KANSL1: variants seen among roughly 807,000 people sequenced by gnomAD.
KANSL1 encodes KAT8 regulatory NSL complex subunit 1.
KANSL1 carries 22 observed loss-of-function variants against 103.6 expected under a neutral mutation model. That is an observed-to-expected ratio of 0.21 (90% confidence interval 0.15 to 0.30). KANSL1 has a LOEUF of 0.30. Ranked by LOEUF, KANSL1 falls within the 10% of genes least tolerant of loss-of-function variation. The probability of loss-of-function intolerance (pLI) is 1.00; values close to 1 mark genes in which losing one functional copy is unlikely to be tolerated. For missense variants in KANSL1, 1,337 were observed against 1,399.8 expected, an observed-to-expected ratio of 0.96 and a Z score of 0.72; for synonymous variants, 600 against 527.6, an observed-to-expected ratio of 1.14 and a Z score of -1.88.
At chr17:46,100,590 G>C (rs1308388372) in intron 2 of KANSL1, among the ~76,000 whole-genome samples, 1 of 152,098 alleles carries the variant, frequency 6.6e-6, no homozygotes, top group Non-Finnish European at 1.5e-5. Context: ...GTTATTAATA[G>C]TCAATGGGTT....
In KANSL1 at chr17:46,184,988, C is replaced by A. The variant is rs1480269832; in HGVS notation, c.-90+7835G>T. ...CTGAGTAGCTGGGATTACAGGCACC[C>A]GCCACCACATCTAGCTAATTTTTTG... On this transcript the variant is annotated intron_variant, in intron 1 of 14. Transcript: ENST00000432791. Among the ~76,000 whole-genome samples the A allele has an allele frequency of 2.0e-5, 3 of 152,144 alleles. No homozygotes were observed. The South Asian group carries it at 6.2e-4, about 32-fold the overall frequency.
intron 6 of KANSL1, among the ~76,000 whole-genome samples, chr17:46,062,110 C>CAAAAAAAAAAAAAAAAAAAA (rs1568403365): frequency 9.0e-5 from 2 of 22,260 alleles, no homozygotes; most frequent in South Asian, 3.0e-3. Context: ...AAAAAAAAAA[C>CAAAAAAAAAAAAAAAAAAAA]AAACAAACAA....
rs769773348 is a variant in KANSL1, at chr17:46,172,034, T to C, written c.110A>G (p.Asn37Ser). 8 of 1,614,266 alleles carry C rather than the reference T, an allele frequency of 5.0e-6. No homozygotes were observed. The highest frequency in any genetic ancestry group is 6.8e-6 in the Non-Finnish European group (8 of 1,180,054). The change falls in exon 2 of 15, where the codon AAC (asparagine) becomes AGC (serine). Residue 37 changes from asparagine to serine, a missense_variant. Physicochemically the swap from Asn to Ser is conservative, Grantham distance 46 (BLOSUM62 1). Transcript: ENST00000432791. ...STLSPGSAEN[N>S]GNANILIAAN... Reference sequence around the variant, plus strand: ...AGCAATAAGGATGTTGGCGTTGCCGTTATTTTCGGCACTGCCAGGGGACAA... The same window carrying C: ...AGCAATAAGGATGTTGGCGTTGCCGCTATTTTCGGCACTGCCAGGGGACAA...
At chr17:46,059,958 A>AAAC (rs368700925) in intron 6 of KANSL1, among the ~76,000 whole-genome samples, 7 of 152,246 alleles carry the variant, frequency 4.6e-5, no homozygotes, top group East Asian at 3.9e-4. Flanking sequence ...GACAAAAAAC[A>AAAC]AACAACAACA....
rs1204399655 is a variant in KANSL1 at position 46,047,807 on chromosome 17, AAAAAAAAAAAAC to A, written c.2020+2714_2020+2725del. 6.6e-5 allele frequency among the ~76,000 whole-genome samples: 9 copies of A among 135,574 alleles called. No homozygotes were observed. The East Asian group carries it at 1.6e-3, about 23-fold the overall frequency. The allele number at this position is 135,574 out of a possible 152,430, so 88.9% of individuals were successfully genotyped here. A position where few individuals can be genotyped will look rare whatever the true frequency, so the allele number is the denominator to read the frequency against. ...TGTATCTAAAAAATAAAAATTAAAA[AAAAAAAAAAAAC>A]AAAAAAAAAACTTACAGACTACCTG... On this transcript the variant is annotated intron_variant, in intron 7 of 14. Coordinates refer to ENST00000432791, the MANE Select transcript of KANSL1 (RefSeq NM_015443.4).
intron 2 of KANSL1, among the ~76,000 whole-genome samples, chr17:46,102,986 T>C (rs534966040): frequency 6.6e-6 from 1 of 152,278 alleles, no homozygotes; most frequent in South Asian, 2.1e-4. Flanking sequence ...CACAAACTGG[T>C]AGGGCTTGGG....
intron 1 of KANSL1, among the ~76,000 whole-genome samples, chr17:46,192,007 T>TG (rs1342762972): frequency 1.8e-4 from 13 of 71,788 alleles, no homozygotes; most frequent in East Asian, 9.7e-4. Context: ...TAAAGGGGGG[T>TG]GGGGGGGACC....
At chr17:46,032,364 G>A in intron 13 of KANSL1, 65 bp from the exon 14 acceptor site, 2 of 1,394,950 alleles carry the variant, frequency 1.4e-6, no homozygotes, top group Non-Finnish European at 1.9e-6. Context: ...TAGAGGGCAT[G>A]AAAAAAGCAT....
At chr17:46,095,625 A>AAC (rs1286310862) in intron 2 of KANSL1, among the ~76,000 whole-genome samples, 1 of 152,250 alleles carries the variant, frequency 6.6e-6, no homozygotes. Flanking sequence ...GCTAAATATG[A>AAC]ACAGCCAAAC....
rs148770530 is a variant in KANSL1, at chr17:46,067,564, T to C, written c.1637A>G (p.Asn546Ser). 1 of 1,590,442 alleles carries C rather than the reference T, an allele frequency of 6.3e-7. No homozygotes were observed. The highest frequency in any genetic ancestry group is 8.6e-7 in the Non-Finnish European group (1 of 1,158,510). The change falls in exon 5 of 15, where the codon AAT (asparagine) becomes AGT (serine). Residue 546 changes from asparagine to serine, a missense_variant. Physicochemically the swap from Asn to Ser is conservative, Grantham distance 46 (BLOSUM62 1). Coordinates refer to ENST00000432791, the MANE Select transcript of KANSL1 (RefSeq NM_015443.4). Reference protein sequence around the residue: ...TKSCGALRPVNGVINTLQPVL... With the variant: ...TKSCGALRPVSGVINTLQPVL... ...TAAAACTTACGTGTTAATAACTCCA[T>C]TGACAGGTCTGAGTGCTCCACATGA...
At chr17:46,094,327 G>A (rs1314264015) in intron 3 of KANSL1, 6 of 536,528 alleles carry the variant, frequency 1.1e-5, no homozygotes, top group Non-Finnish European at 1.9e-5. Flanking sequence ...GAACTCCTGA[G>A]CTCAAATGAT....
chr17:46,093,888 A>T (rs2079514317), intron 3 of KANSL1: 1 of 152,264 alleles, frequency 6.6e-6, no homozygotes, highest in South Asian at 2.1e-4. Flanking sequence ...CACTTAAAAT[A>T]ATGGTACATC....
chr17:46,095,954 T>C (rs1377071281), intron 2 of KANSL1, among the ~76,000 whole-genome samples: 1 of 152,182 alleles, frequency 6.6e-6, no homozygotes, highest in Non-Finnish European at 1.5e-5. Context: ...AACATTAAGA[T>C]GCTGTTTGAA....
intron 2 of KANSL1, among the ~76,000 whole-genome samples, chr17:46,114,778 C>T (rs2042971765): frequency 1.3e-5 from 2 of 152,198 alleles, no homozygotes; most frequent in South Asian, 4.1e-4. Context: ...GGGGAGGTAA[C>T]TAGTTCCCCA....
chr17:46,158,079 A>G (rs1413493185), intron 2 of KANSL1, among the ~76,000 whole-genome samples: 1 of 152,268 alleles, frequency 6.6e-6, no homozygotes, highest in Non-Finnish European at 1.5e-5. Flanking sequence ...AACTAAATGA[A>G]TCAATGAAGT....
At chr17:46,124,199 GA>G (rs1319648648) in intron 2 of KANSL1, among the ~76,000 whole-genome samples, 3 of 152,160 alleles carry the variant, frequency 2.0e-5, no homozygotes, top group African/African-American at 7.2e-5. Flanking sequence ...AGTAGTTGGA[GA>G]CCAGCCTGGG....
rs574672233 is a variant in KANSL1 at position 46,211,227 on chromosome 17, C to CAAAAAAA, written c.-90+12437_-90+12443dup. ...CCTAAAGACAATGTGATGTTCTATG[C>CAAAAAAA]AAAAAAAAAAAAAAAAAAAGGGAGG... is the stretch of plus-strand genomic sequence containing the variant. On this transcript the variant is annotated intron_variant, in intron 1 of 14. Transcript: ENST00000572904. Among the ~76,000 whole-genome samples, 64 of 102,486 alleles carry CAAAAAAA rather than the reference C, an allele frequency of 6.2e-4. 1 individual carries two copies. Among genetic ancestry groups the CAAAAAAA allele is most frequent in the African/African-American group, 1.3e-3 (33 of 25,388 alleles). The allele number at this position is 102,486 out of a possible 152,430, so 67.2% of individuals were successfully genotyped here.
rs1373336847 is a variant in KANSL1, at chr17:46,050,643, C to T, written c.1910G>A (p.Gly637Asp). The T allele has an allele frequency of 6.2e-7, 1 of 1,614,154 alleles. No individual in the cohort carries two copies. The highest frequency in any genetic ancestry group is 1.1e-5 in the South Asian group (1 of 91,086). ...AGGCATGGTGTTGATGCTGCCTGAACCACACAGTGCGCAGGAGGGATTCAC... is the reference window on the plus strand; with the variant it reads ...AGGCATGGTGTTGATGCTGCCTGAATCACACAGTGCGCAGGAGGGATTCAC... ...CDVNPSCALCGSGSINTMPPE... is the reference protein window; with the variant it reads ...CDVNPSCALCDSGSINTMPPE... The change falls in exon 7 of 15, where the codon GGT becomes GAT. Residue 637 changes from glycine (G) to aspartate (D), a missense_variant. This residue lies in a region of KANSL1 where 780 missense variants were observed against 923.4 expected (regional missense o/e 0.84). Coordinates refer to ENST00000432791, the MANE Select transcript of KANSL1 (RefSeq NM_015443.4).
At chr17:46,123,083 AT>A (rs1186465551) in intron 2 of KANSL1, among the ~76,000 whole-genome samples, 1 of 152,198 alleles carries the variant, frequency 6.6e-6, no homozygotes, top group African/African-American at 2.4e-5. Context: ...AAAGAAAAGA[AT>A]TTTTTTTAGA....
Sources: allele counts gnomAD v4.1 joint callset (sites outside exome capture counted in the v4.1 genomes callset), GRCh38; gene constraint gnomAD v4.1.1; regional missense constraint gnomAD v4.1.1; transcripts MANE v1.5; gene names NCBI Gene and HGNC (gene_info 2026-07-23, HGNC 2026-07-21).